SLC25A48: variants seen among roughly 807,000 people sequenced by gnomAD.
The protein encoded by SLC25A48 is solute carrier family 25 member 48, also known as CTC-321K16.1.
A neutral mutation model predicts 32.2 loss-of-function variants in SLC25A48; 29 were observed. The ratio of observed to expected loss-of-function variants is 0.90; its 90% CI spans 0.67 to 1.23. The LOEUF (loss-of-function observed/expected upper bound fraction) is 1.23. Among genes scored for constraint, SLC25A48 ranks in the 50% most tolerant of loss-of-function variants. SLC25A48 has a pLI of 0.00. For synonymous variants in SLC25A48, 164 were observed against 172.3 expected, an observed-to-expected ratio of 0.95 and a Z score of 0.38; for missense variants, 399 against 422.7, an observed-to-expected ratio of 0.94 and a Z score of 0.49.
intron 1 of SLC25A48, among the ~76,000 whole-genome samples, chr5:135,835,970 G>A (rs1014243849): frequency 2.0e-5 from 3 of 152,178 alleles, no homozygotes; most frequent in Non-Finnish European, 4.4e-5. Flanking sequence ...GCTGAGACCC[G>A]CCTCTCCTAA....
chr5:135,843,060 C>T (rs536513064), intron 2 of SLC25A48, among the ~76,000 whole-genome samples: 1 of 152,342 alleles, frequency 6.6e-6, no homozygotes, highest in African/African-American at 2.4e-5. Context: ...CCCCATCTTG[C>T]TCCCTGTATG....
chr5:135,628,425 G>T (rs1188811582), intron 1 of SLC25A48, among the ~76,000 whole-genome samples: 2 of 152,156 alleles, frequency 1.3e-5, no homozygotes, highest in East Asian at 3.9e-4. Flanking sequence ...CTCTACTTGG[G>T]ATTTAGGGGG....
At chr5:135,812,127 T>G (rs1757602690) in intron 3 of SLC25A48, among the ~76,000 whole-genome samples, 1 of 152,218 alleles carries the variant, frequency 6.6e-6, no homozygotes, top group Admixed American at 6.5e-5. Context: ...ATTTAAGGGA[T>G]TTTATTTACT....
chr5:135,691,595 A>G (rs999246148), intron 3 of SLC25A48, among the ~76,000 whole-genome samples: 3 of 152,206 alleles, frequency 2.0e-5, no homozygotes, highest in East Asian at 3.9e-4. Flanking sequence ...AGGGCTTTCC[A>G]TACTATAACT....
intron 1 of SLC25A48, among the ~76,000 whole-genome samples, chr5:135,591,474 C>G (rs965680606): frequency 2.0e-5 from 3 of 152,216 alleles, no homozygotes; most frequent in Non-Finnish European, 4.4e-5. Context: ...GCCTTCTGGG[C>G]CCACCTCCAA....
Position 135,879,791 on chromosome 5 carries a change from T to A in SLC25A48, c.814-177T>A, listed in dbSNP as rs146073836. Among the ~76,000 whole-genome samples, 489 of 152,214 alleles carry A rather than the reference T, an allele frequency of 3.2e-3. 2 individuals are homozygous for A. Among genetic ancestry groups the A allele is most frequent in the Admixed American group, 5.4e-3 (83 of 15,300 alleles). ...AAAGCACCACCAGGCATGACGCGGG[T>A]CAGGGCAGGGCATGACTGGGACTTC... is the stretch of plus-strand genomic sequence containing the variant. On this transcript the variant is annotated intron_variant, in intron 6 of 7. Coordinates refer to ENST00000681962, the MANE Select transcript of SLC25A48 (RefSeq NM_001349336.2).
chr5:135,774,257 T>C (rs906569151), intron 3 of SLC25A48, among the ~76,000 whole-genome samples: 5 of 151,592 alleles, frequency 3.3e-5, no homozygotes, highest in African/African-American at 1.2e-4. Flanking sequence ...AAAATAACAT[T>C]AGTCCTAATA....
intron 1 of SLC25A48, among the ~76,000 whole-genome samples, chr5:135,588,713 G>A (rs1437167179): frequency 6.6e-6 from 1 of 152,052 alleles, no homozygotes; most frequent in African/African-American, 2.4e-5. Flanking sequence ...GCAGGGACAG[G>A]GCAGCTGAGG....
chr5:135,633,040 G>A (rs1263197615), intron 2 of SLC25A48, among the ~76,000 whole-genome samples: 2 of 152,220 alleles, frequency 1.3e-5, no homozygotes, highest in East Asian at 1.9e-4. Context: ...GGTTATGTGG[G>A]AGGACTGCAG....
At chr5:135,767,501 T>C (rs961842136) in intron 3 of SLC25A48, among the ~76,000 whole-genome samples, 1 of 151,870 alleles carries the variant, frequency 6.6e-6, no homozygotes, top group Non-Finnish European at 1.5e-5. Flanking sequence ...GTTCATAATA[T>C]CCAGAAAGAA....
chr5:135,632,936 C>T (rs537995452), intron 2 of SLC25A48, among the ~76,000 whole-genome samples: 27 of 152,102 alleles, frequency 1.8e-4, no homozygotes, highest in African/African-American at 3.6e-4. Context: ...TCTGAAGCTC[C>T]GGCAGGGTGA....
At chr5:135,678,080 T>C (rs1753811364) in intron 3 of SLC25A48, among the ~76,000 whole-genome samples, 1 of 152,098 alleles carries the variant, frequency 6.6e-6, no homozygotes, top group Admixed American at 6.5e-5. Flanking sequence ...ACTTGGAGAG[T>C]TTTCATCATT....
In SLC25A48 at chr5:135,660,032, C is replaced by T. The variant is rs138385994; in HGVS notation, c.-521+25076C>T. ...CAAATGGTTTTGGTATATAGCTGCACTTGATATTGGATGCCTCCACTCATT... is the reference window on the plus strand; with the variant it reads ...CAAATGGTTTTGGTATATAGCTGCATTTGATATTGGATGCCTCCACTCATT... On this transcript the variant is annotated intron_variant, in intron 3 of 10. Transcript: ENST00000646290. Among the ~76,000 whole-genome samples the T allele has an allele frequency of 6.7e-3, 1,017 of 152,278 alleles. 15 individuals are homozygous for T. Among genetic ancestry groups the T allele is most frequent in the African/African-American group, 0.023 (964 of 41,568 alleles).
chr5:135,785,348 T>C (rs1368672694), intron 3 of SLC25A48, among the ~76,000 whole-genome samples: 4 of 150,224 alleles, frequency 2.7e-5, no homozygotes, highest in Admixed American at 2.0e-4. Context: ...TTTACTCCCC[T>C]TGGGGCGGGA....
intron 3 of SLC25A48, among the ~76,000 whole-genome samples, chr5:135,774,963 G>A (rs1163373897): frequency 6.6e-6 from 1 of 151,702 alleles, no homozygotes; most frequent in Non-Finnish European, 1.5e-5. Flanking sequence ...GTATCATAGA[G>A]GTTGTACACC....
intron 3 of SLC25A48, among the ~76,000 whole-genome samples, chr5:135,792,090 T>A (rs1757045679): frequency 6.6e-6 from 1 of 151,786 alleles, no homozygotes; most frequent in African/African-American, 2.4e-5. Flanking sequence ...AATGTCACAG[T>A]GGGTGTACGC....
intron 6 of SLC25A48, chr5:135,874,978 A>G (rs1032509448): frequency 6.3e-5 from 25 of 399,198 alleles, no homozygotes; most frequent in Admixed American, 1.4e-4. Context: ...TCAGGGCCTC[A>G]GTTTCTCCCA....
intron 6 of SLC25A48, among the ~76,000 whole-genome samples, chr5:135,878,311 C>T (rs1374273916): frequency 2.0e-5 from 3 of 152,184 alleles, no homozygotes; most frequent in Admixed American, 6.5e-5. Context: ...GAGCCAAGCC[C>T]AGACCCACAG....
chr5:135,872,926 G>C (rs552353791), intron 5 of SLC25A48, among the ~76,000 whole-genome samples: 12 of 152,318 alleles, frequency 7.9e-5, no homozygotes, highest in African/African-American at 2.9e-4. Flanking sequence ...CTCATGCCCA[G>C]CTCCTAGTAA....
Sources: gnomAD v4.1 joint callset for allele counts (sites outside exome capture counted in the v4.1 genomes callset) on GRCh38, gnomAD v4.1.1 for gene constraint, MANE v1.5 for transcripts, NCBI Gene and HGNC (gene_info 2026-07-23, HGNC 2026-07-21) for gene names.